MCHR2: variants seen among roughly 807,000 people sequenced by gnomAD.
MCHR2 encodes the protein melanin-concentrating hormone receptor 2.
In MCHR2, 15 loss-of-function variants were observed where a neutral mutation model predicts 24.8. That is an observed-to-expected ratio of 0.60 (90% CI 0.40 to 0.93). The LOEUF is 0.93. Among genes scored for constraint, MCHR2 ranks in the 40% least tolerant of loss-of-function variants. The pLI is 0.00. For synonymous variants in MCHR2, 151 were observed against 147.6 expected (o/e 1.02, Z -0.17); for missense variants, 386 against 408.7 (o/e 0.94, Z 0.48).
At chr6:99,972,679 G>T (rs912032161) in intron 1 of MCHR2, among the ~76,000 whole-genome samples, 1 of 151,996 alleles carries the variant, frequency 6.6e-6, no homozygotes, top group East Asian at 1.9e-4. Flanking sequence ...GATCTTTCCT[G>T]CTTTCTTTTC....
chr6:99,948,112 C>A (rs1477938185), intron 2 of MCHR2, 141 bp from the exon 3 acceptor site: 1 of 675,650 alleles, frequency 1.5e-6, no homozygotes, highest in East Asian at 2.7e-5. Context: ...AGAGGAAATG[C>A]CTAGTCTTGT....
chr6:99,925,960 A>C (rs1274257075), intron 5 of MCHR2, among the ~76,000 whole-genome samples: 2 of 151,834 alleles, frequency 1.3e-5, no homozygotes, highest in Non-Finnish European at 2.9e-5. Flanking sequence ...CATTAGGTAT[A>C]TCTCCTAATG....
chr6:99,930,913 G>A (rs180875302), intron 5 of MCHR2, among the ~76,000 whole-genome samples: 184 of 152,262 alleles, frequency 1.2e-3, no homozygotes, highest in Middle Eastern at 6.8e-3. Context: ...GAGGAGAGGC[G>A]CTCTGCTTTT....
intron 1 of MCHR2, among the ~76,000 whole-genome samples, chr6:99,958,433 A>T (rs1024443194): frequency 1.3e-5 from 2 of 151,780 alleles, no homozygotes; most frequent in African/African-American, 4.8e-5. Flanking sequence ...CAAATGTAAA[A>T]GGCTTTTAGA....
intron 1 of MCHR2, among the ~76,000 whole-genome samples, chr6:99,981,106 T>G (rs551979793): frequency 6.6e-6 from 1 of 152,292 alleles, no homozygotes; most frequent in South Asian, 2.1e-4. Context: ...AAAATAAGCA[T>G]CTAGAGGTTT....
intron 4 of MCHR2, among the ~76,000 whole-genome samples, chr6:99,939,142 C>T (rs1251200253): frequency 6.6e-6 from 1 of 151,910 alleles, no homozygotes; most frequent in Non-Finnish European, 1.5e-5. Flanking sequence ...AAGCCTCTTG[C>T]TGCCTTTTAA....
At chr6:99,954,559 T>G (rs1162367033) in intron 2 of MCHR2, among the ~76,000 whole-genome samples, 2 of 152,186 alleles carry the variant, frequency 1.3e-5, no homozygotes, top group Non-Finnish European at 2.9e-5. Flanking sequence ...CCCCTTCAGC[T>G]GCTGTCATTT....
chr6:99,929,797 G>T (rs1392830003), intron 5 of MCHR2, among the ~76,000 whole-genome samples: 1 of 150,660 alleles, frequency 6.6e-6, no homozygotes, highest in African/African-American at 2.4e-5. Flanking sequence ...TATCCAATTT[G>T]CCAGTCTGTG....
intron 2 of MCHR2, among the ~76,000 whole-genome samples, chr6:99,948,692 C>A (rs1289447651): frequency 6.6e-6 from 1 of 152,090 alleles, no homozygotes; most frequent in African/African-American, 2.4e-5. Flanking sequence ...CAAGTTATAC[C>A]AACTTTAAAT....
intron 1 of MCHR2, among the ~76,000 whole-genome samples, chr6:99,962,860 C>T (rs1175098145): frequency 2.6e-5 from 4 of 151,920 alleles, no homozygotes; most frequent in Admixed American, 6.6e-5. Context: ...TGGTTAATAC[C>T]CAAATTATAG....
chr6:99,946,222 C>T (rs1361435958), intron 3 of MCHR2, among the ~76,000 whole-genome samples: 1 of 152,118 alleles, frequency 6.6e-6, no homozygotes, highest in East Asian at 1.9e-4. Context: ...TCTCATGACA[C>T]AGTCACATTG....
At chr6:99,981,259 CA>C (rs982993362) in intron 1 of MCHR2, among the ~76,000 whole-genome samples, 3 of 152,040 alleles carry the variant, frequency 2.0e-5, no homozygotes, top group Non-Finnish European at 4.4e-5. Context: ...AGATTGAAGG[CA>C]AAAAACAAAG....
chr6:99,959,293 G>A (rs1045084294), intron 1 of MCHR2, among the ~76,000 whole-genome samples: 25 of 151,940 alleles, frequency 1.6e-4, no homozygotes, highest in African/African-American at 5.8e-4. Context: ...CTCTAAGTAG[G>A]AACCTAGACA....
intron 5 of MCHR2, among the ~76,000 whole-genome samples, chr6:99,923,357 C>T (rs550706403): frequency 4.2e-4 from 64 of 152,132 alleles, no homozygotes; most frequent in African/African-American, 1.4e-3. Context: ...TTGGCTTATT[C>T]CTTTCCAATT....
chr6:99,978,670 G>A (rs760724033), intron 1 of MCHR2, among the ~76,000 whole-genome samples: 3 of 151,960 alleles, frequency 2.0e-5, no homozygotes, highest in South Asian at 2.1e-4. Flanking sequence ...TGCCCACCTC[G>A]GCCTCCCAAA....
chr6:99,929,624 G>A (rs1203858976), intron 5 of MCHR2, among the ~76,000 whole-genome samples: 8 of 151,796 alleles, frequency 5.3e-5, no homozygotes, highest in Non-Finnish European at 1.2e-4. Flanking sequence ...ATCTTTGTTG[G>A]TTTAAAGTCT....
chr6:99,976,256 CAAT>C (rs1487587167), intron 1 of MCHR2, among the ~76,000 whole-genome samples: 8 of 152,192 alleles, frequency 5.3e-5, no homozygotes, highest in Non-Finnish European at 1.0e-4. Flanking sequence ...CTTCAAATGA[CAAT>C]GATGATATAA....
At chr6:99,937,680 T>C (rs1774690644) in intron 4 of MCHR2, among the ~76,000 whole-genome samples, 1 of 151,916 alleles carries the variant, frequency 6.6e-6, no homozygotes, top group African/African-American at 2.4e-5. Context: ...TTCTTGTGTG[T>C]CTCTGGATGG....
chr6:99,941,117 GT>G (rs959379395), intron 4 of MCHR2, among the ~76,000 whole-genome samples: 1 of 151,548 alleles, frequency 6.6e-6, no homozygotes, highest in African/African-American at 2.4e-5. Flanking sequence ...CCTTGATCTC[GT>G]TTTTTTCAGT....
Sources: gnomAD v4.1 joint callset for allele counts (sites outside exome capture counted in the v4.1 genomes callset) on GRCh38, gnomAD v4.1.1 for gene constraint, MANE v1.5 for transcripts, NCBI Gene and HGNC (gene_info 2026-07-23, HGNC 2026-07-21) for gene names.